The following RFX8 variants were observed in gnomAD, a reference collection of about 807,000 sequenced individuals.
The protein encoded by RFX8 is regulatory factor X8.
In RFX8, 46 loss-of-function variants were observed where a neutral mutation model predicts 54.6. The ratio of observed to expected loss-of-function variants is 0.84; its 90% CI spans 0.67 to 1.08. RFX8 has a LOEUF of 1.08. Among genes scored for constraint, RFX8 ranks in the 50% least tolerant of loss-of-function variants. The pLI is 0.00. For synonymous variants in RFX8, 192 were observed against 209.5 expected (o/e 0.92, Z 0.72); for missense variants, 536 against 562.3 (o/e 0.95, Z 0.47).
At chr2:101,458,732 T>C (rs1195415638) in intron 2 of RFX8, among the ~76,000 whole-genome samples, 2 of 152,334 alleles carry the variant, frequency 1.3e-5, no homozygotes, top group East Asian at 3.9e-4. Context: ...ATTCTCTGTA[T>C]TTCCTGAATT....
chr2:101,469,044 ATATATATATACGTATATATATG>A (rs1689767371), intron 1 of RFX8, among the ~76,000 whole-genome samples: 1 of 47,732 alleles, frequency 2.1e-5, no homozygotes, highest in Admixed American at 2.1e-4. Context: ...ATATATATGT[ATATATATATACGTATATATATG>A]TATATATATA....
At chr2:101,428,177 C>T (rs552314761) in intron 2 of RFX8, among the ~76,000 whole-genome samples, 105 of 152,240 alleles carry the variant, frequency 6.9e-4, no homozygotes, top group Admixed American at 2.0e-3. Context: ...CCTGTAATCC[C>T]AACTACTTGG....
intron 2 of RFX8, among the ~76,000 whole-genome samples, chr2:101,446,237 G>A (rs1038574802): frequency 7.9e-5 from 12 of 152,056 alleles, no homozygotes; most frequent in Non-Finnish European, 1.5e-4. Flanking sequence ...GTGCAGTGGC[G>A]TGATCTCAGC....
At chr2:101,435,758 G>C (rs1289924103) in intron 2 of RFX8, among the ~76,000 whole-genome samples, 1 of 152,154 alleles carries the variant, frequency 6.6e-6, no homozygotes, top group Admixed American at 6.5e-5. Context: ...CAGGAAGGGA[G>C]GGGGAATGTG....
intron 6 of RFX8, among the ~76,000 whole-genome samples, chr2:101,417,269 A>G (rs906472437): frequency 6.6e-6 from 1 of 152,180 alleles, no homozygotes; most frequent in African/African-American, 2.4e-5. Flanking sequence ...CAGTGACATG[A>G]TCATGGCTCA....
At position 101,410,089 on chromosome 2, in the gene RFX8, C is replaced by A. The variant is rs150407580; in HGVS notation, c.813+530G>T. 3.0e-3 allele frequency among the ~76,000 whole-genome samples: 458 copies of A among 152,176 alleles called. 9 individuals are homozygous for A. Among genetic ancestry groups the A allele is most frequent in the Non-Finnish European group, 7.5e-4 (51 of 67,998 alleles). The stretch of plus-strand genomic sequence containing the variant: ...TGGGCTGCTCTCCCCCTGAAATAGA[C>A]AAAACCCCTCCTCCTTTTCCACACT... On this transcript the variant is annotated intron_variant, in intron 9 of 11. Transcript: ENST00000428343.
intron 9 of RFX8, among the ~76,000 whole-genome samples, chr2:101,409,493 T>G (rs1475478960): frequency 6.6e-6 from 1 of 151,928 alleles, no homozygotes; most frequent in Non-Finnish European, 1.5e-5. Context: ...CCCAAAGTGC[T>G]GGGATTACAG....
intron 2 of RFX8, among the ~76,000 whole-genome samples, chr2:101,448,149 A>T (rs1292546929): frequency 6.6e-6 from 1 of 152,230 alleles, no homozygotes; most frequent in Non-Finnish European, 1.5e-5. Context: ...GATCAGGTTC[A>T]GTGTGAATTT....
intron 2 of RFX8, among the ~76,000 whole-genome samples, chr2:101,445,471 C>T (rs1558875366): frequency 1.3e-5 from 2 of 152,082 alleles, no homozygotes; most frequent in Admixed American, 1.3e-4. Context: ...TAGCTCACTG[C>T]AGCCTTGACC....
chr2:101,442,918 C>T (rs1688174008), intron 2 of RFX8, among the ~76,000 whole-genome samples: 1 of 152,090 alleles, frequency 6.6e-6, no homozygotes, highest in Non-Finnish European at 1.5e-5. Context: ...GCTTCCTGGA[C>T]CAAGAGGCTT....
At chr2:101,408,313 G>A (rs1460080207) in intron 9 of RFX8, among the ~76,000 whole-genome samples, 7 of 152,180 alleles carry the variant, frequency 4.6e-5, no homozygotes, top group African/African-American at 1.7e-4. Context: ...GTGAAACCCC[G>A]TCTCTACTAA....
chr2:101,426,510 C>A (rs544551553), intron 2 of RFX8, among the ~76,000 whole-genome samples: 6 of 152,028 alleles, frequency 3.9e-5, no homozygotes, highest in Non-Finnish European at 8.8e-5. Context: ...AAGAGCAAGA[C>A]CTCGTCTCTA....
Position 101,452,488 on chromosome 2 carries a change from T to C in RFX8, c.72+14289A>G, listed in dbSNP as rs56047973. The C allele has an allele frequency of 2.0e-3, 2,112 of 1,059,480 alleles. 26 individuals carry two copies. In the African/African-American group the frequency reaches 0.031, roughly 15 times the overall value. 65.6% of individuals were successfully genotyped at this position (1,059,480 alleles called of 1,614,324 possible). A position where few individuals can be genotyped will look rare whatever the true frequency, so the allele number is the denominator to read the frequency against. On this transcript the variant is annotated intron_variant, in intron 2 of 11. Transcript: ENST00000428343. Reference sequence around the variant, plus strand: ...GATTTAAAGTTGCAACTTGAAAACTTAGAAACAAACTTCCAATTTTTTATC... The same window carrying C: ...GATTTAAAGTTGCAACTTGAAAACTCAGAAACAAACTTCCAATTTTTTATC...
intron 2 of RFX8, among the ~76,000 whole-genome samples, chr2:101,447,778 C>G (rs1688470131): frequency 6.6e-6 from 1 of 152,202 alleles, no homozygotes. Context: ...CCTATTCTCT[C>G]CAGCCTCTGG....
intron 9 of RFX8, among the ~76,000 whole-genome samples, chr2:101,408,664 A>T (rs1464358274): frequency 1.3e-5 from 2 of 152,204 alleles, no homozygotes. Flanking sequence ...AGCTTTGCCT[A>T]AGATCAACAG....
At chr2:101,401,137 G>A (rs1382451033) in intron 11 of RFX8, among the ~76,000 whole-genome samples, 3 of 152,166 alleles carry the variant, frequency 2.0e-5, no homozygotes, top group Admixed American at 2.0e-4. Flanking sequence ...ACAAACGTTG[G>A]AATCTACCTC....
intron 2 of RFX8, among the ~76,000 whole-genome samples, chr2:101,460,733 C>CTCTT (rs774281746): frequency 1.3e-5 from 2 of 151,408 alleles, no homozygotes; most frequent in African/African-American, 4.9e-5. Context: ...TGTTGCATCC[C>CTCTT]TCTTTCTTTC....
intron 2 of RFX8, among the ~76,000 whole-genome samples, chr2:101,461,097 T>G (rs150049534): frequency 5.0e-4 from 75 of 150,044 alleles, no homozygotes; most frequent in African/African-American, 1.8e-3. Context: ...TAAAATCCCA[T>G]CTCTACTAAA....
At chr2:101,400,489 G>T (rs1321643329) in intron 11 of RFX8, among the ~76,000 whole-genome samples, 1 of 151,876 alleles carries the variant, frequency 6.6e-6, no homozygotes, top group Admixed American at 6.6e-5. Context: ...CCCATCCATT[G>T]ACCCCCACCT....
Sources: allele counts gnomAD v4.1 joint callset (sites outside exome capture counted in the v4.1 genomes callset), GRCh38; gene constraint gnomAD v4.1.1; transcripts MANE v1.5; gene names NCBI Gene and HGNC (gene_info 2026-07-23, HGNC 2026-07-21).